The following HCN1 variants were observed in gnomAD, a reference collection of about 807,000 sequenced individuals.
The protein encoded by HCN1 is hyperpolarization activated cyclic nucleotide gated potassium channel 1, also known as potassium/sodium hyperpolarization-activated cyclic nucleotide-gated channel 1.
HCN1 carries 13 observed loss-of-function variants against 78.9 expected under a neutral mutation model. That is an observed-to-expected ratio of 0.16 (90% CI 0.11 to 0.26). The LOEUF is 0.26. HCN1 is among the 10% of genes least tolerant of loss of function. The pLI is 1.00. For missense variants in HCN1, 810 were observed against 1,154.3 expected (o/e 0.70, Z 4.32); for synonymous variants, 552 against 455.5 (o/e 1.21, Z -2.70).
At position 45,617,125 on chromosome 5, in the gene HCN1, T is replaced by C. The variant is rs542947372; in HGVS notation, c.849+28060A>G. ...TTTATACTTACTAACGGCTGCCATA[T>C]AAGTTAAGAGAACACAAGCTATAAA... On this transcript the variant is annotated intron_variant, in intron 2 of 7. Transcript: ENST00000303230. Among the ~76,000 whole-genome samples, 6 of 152,164 alleles carry C rather than the reference T, an allele frequency of 3.9e-5. No individual in the cohort carries two copies. The East Asian group carries it at 7.7e-4, about 20-fold the overall frequency.
rs1744714498 is a variant in HCN1 at position 45,260,549 on chromosome 5, C to T, written c.*1372G>A. 6.6e-6 allele frequency: 1 copy of T among 152,418 alleles called. No individual in the cohort carries two copies. Among genetic ancestry groups the T allele is most frequent in the Non-Finnish European group, 1.5e-5 (1 of 68,026 alleles). 9.4% of individuals were successfully genotyped at this position (152,418 alleles called of 1,614,324 possible). A position where few individuals can be genotyped will look rare whatever the true frequency, so the allele number is the denominator to read the frequency against. On this transcript the variant is annotated 3_prime_UTR_variant, in exon 8 of 8. Coordinates refer to ENST00000303230, the MANE Select transcript of HCN1 (RefSeq NM_021072.4). ...TAGTCACCACATGCCTTAAAGTTTA[C>T]TAACCATTTAGTTACAATATACATA...
At chr5:45,655,412 A>G (rs556583992) in intron 1 of HCN1, among the ~76,000 whole-genome samples, 1 of 152,266 alleles carries the variant, frequency 6.6e-6, no homozygotes, top group South Asian at 2.1e-4. Flanking sequence ...TCAGAAAATT[A>G]TACAAATTGA....
chr5:45,490,090 AG>A (rs1741852049), intron 2 of HCN1, among the ~76,000 whole-genome samples: 1 of 152,202 alleles, frequency 6.6e-6, no homozygotes, highest in Admixed American at 6.6e-5. Flanking sequence ...GAAATTAACC[AG>A]GTGAAACATG....
chr5:45,605,428 A>G (rs560446645), intron 2 of HCN1, among the ~76,000 whole-genome samples: 3 of 152,062 alleles, frequency 2.0e-5, no homozygotes, highest in African/African-American at 7.2e-5. Context: ...CAATAAGTTA[A>G]ATAATCATTT....
chr5:45,546,177 C>A (rs1033830091), intron 2 of HCN1, among the ~76,000 whole-genome samples: 1 of 151,946 alleles, frequency 6.6e-6, no homozygotes, highest in Non-Finnish European at 1.5e-5. Flanking sequence ...CATAACAATT[C>A]TTCATGTCCA....
At position 45,257,275 on chromosome 5, in the gene HCN1, G is replaced by C. The variant is rs1037493662; in HGVS notation, c.*4646C>G. On this transcript the variant is annotated 3_prime_UTR_variant, in exon 8 of 8. Transcript: ENST00000303230. ...TTTTTGAAATCCCTATTTCCCACTT[G>C]ATCTGGGTTCCTCTTCACCCTGTGA... 4 of 152,178 alleles carry C rather than the reference G, an allele frequency of 2.6e-5. No homozygotes were observed. The highest frequency in any genetic ancestry group is 7.2e-5 in the African/African-American group (3 of 41,430). The allele number at this position is 152,178 out of a possible 1,614,324, so 9.4% of individuals were successfully genotyped here.
At chr5:45,668,852 A>G (rs566158923) in intron 1 of HCN1, among the ~76,000 whole-genome samples, 1 of 152,032 alleles carries the variant, frequency 6.6e-6, no homozygotes, top group East Asian at 1.9e-4. Flanking sequence ...ACTTAAGCCA[A>G]AATCGTGGTC....
intron 4 of HCN1, among the ~76,000 whole-genome samples, chr5:45,361,219 G>C (rs1747100429): frequency 6.6e-6 from 1 of 151,764 alleles, no homozygotes; most frequent in South Asian, 2.1e-4. Context: ...TGTACTTTCA[G>C]TAGAGATGGG....
At chr5:45,348,466 C>A (rs562076455) in intron 5 of HCN1, among the ~76,000 whole-genome samples, 12 of 152,228 alleles carry the variant, frequency 7.9e-5, no homozygotes, top group East Asian at 5.8e-4. Context: ...AACTAACAAG[C>A]AAAATAACCA....
At chr5:45,591,017 A>G (rs996938752) in intron 2 of HCN1, among the ~76,000 whole-genome samples, 2 of 150,978 alleles carry the variant, frequency 1.3e-5, no homozygotes, top group African/African-American at 4.9e-5. Flanking sequence ...TTTTTTAATT[A>G]GTAGAGATGG....
At chr5:45,441,382 A>G (rs1740676161) in intron 3 of HCN1, among the ~76,000 whole-genome samples, 1 of 139,638 alleles carries the variant, frequency 7.2e-6, no homozygotes, top group Non-Finnish European at 1.6e-5. Flanking sequence ...AGAAGGAGCG[A>G]GAGAAGGAAG....
chr5:45,548,936 C>T (rs1200584775), intron 2 of HCN1, among the ~76,000 whole-genome samples: 1 of 151,270 alleles, frequency 6.6e-6, no homozygotes, highest in South Asian at 2.1e-4. Context: ...ATCCAACTTA[C>T]AAGGGACGTG....
At chr5:45,555,224 C>T (rs1006490290) in intron 2 of HCN1, among the ~76,000 whole-genome samples, 2 of 151,714 alleles carry the variant, frequency 1.3e-5, no homozygotes, top group African/African-American at 2.4e-5. Flanking sequence ...ATACAAAAAT[C>T]AGTAGCATTT....
At chr5:45,682,689 G>A (rs1367814903) in intron 1 of HCN1, among the ~76,000 whole-genome samples, 1 of 151,912 alleles carries the variant, frequency 6.6e-6, no homozygotes, top group African/African-American at 2.4e-5. Context: ...CCAGATGGAG[G>A]GGGTGATAAA....
intron 3 of HCN1, among the ~76,000 whole-genome samples, chr5:45,414,687 T>G (rs1232097729): frequency 6.6e-6 from 1 of 152,040 alleles, no homozygotes; most frequent in Non-Finnish European, 1.5e-5. Flanking sequence ...GAGTGCATAC[T>G]TATCAAACAA....
chr5:45,560,688 TA>T (rs1743580539), intron 2 of HCN1, among the ~76,000 whole-genome samples: 1 of 152,028 alleles, frequency 6.6e-6, no homozygotes, highest in East Asian at 1.9e-4. Context: ...TTTATATTCA[TA>T]AAAAACTAAG....
chr5:45,661,133 A>G (rs1406081346), intron 1 of HCN1, among the ~76,000 whole-genome samples: 2 of 148,444 alleles, frequency 1.3e-5, no homozygotes, highest in Non-Finnish European at 3.0e-5. Flanking sequence ...TCAAACTAGA[A>G]CTCAGGATTA....
intron 4 of HCN1, among the ~76,000 whole-genome samples, chr5:45,373,212 G>GTTATATATAATATATATTTTACA (rs1747467262): frequency 8.9e-6 from 1 of 112,306 alleles, no homozygotes; most frequent in Admixed American, 1.1e-4. Context: ...TTTTATATAT[G>GTTATATATAATATATATTTTACA]TTATATATAA....
chr5:45,356,862 A>G (rs1747015573), intron 4 of HCN1, among the ~76,000 whole-genome samples: 2 of 152,022 alleles, frequency 1.3e-5, no homozygotes, highest in African/African-American at 4.8e-5. Flanking sequence ...TAGTGTTAAC[A>G]TTACTCTGGC....
Sources: gnomAD v4.1 joint callset for allele counts (sites outside exome capture counted in the v4.1 genomes callset) on GRCh38, gnomAD v4.1.1 for gene constraint, MANE v1.5 for transcripts, NCBI Gene and HGNC (gene_info 2026-07-23, HGNC 2026-07-21) for gene names.